TTC7A: variants seen among roughly 807,000 people sequenced by gnomAD.
TTC7A encodes the protein tetratricopeptide repeat protein 7A.
TTC7A carries 110 observed loss-of-function variants against 103.7 expected under a neutral mutation model. That is an observed-to-expected ratio of 1.06 (90% CI 0.91 to 1.24). The LOEUF is 1.24. TTC7A is among the 50% of genes most tolerant of loss of function. The pLI is 0.00. For missense variants in TTC7A, 1,340 were observed against 1,116.3 expected (o/e 1.20, Z -2.86); for synonymous variants, 521 against 467.9 (o/e 1.11, Z -1.47).
chr2:47,053,423 T>G (rs1683035454), intron 18 of TTC7A, among the ~76,000 whole-genome samples: 1 of 152,226 alleles, frequency 6.6e-6, no homozygotes, highest in African/African-American at 2.4e-5. Context: ...GAATGCAGCG[T>G]AACACAGTGA....
intron 8 of TTC7A, chr2:46,999,397 T>G (rs1676560683): frequency 9.0e-6 from 6 of 668,746 alleles, no homozygotes; most frequent in Non-Finnish European, 1.1e-5. Flanking sequence ...CATTCATCCA[T>G]CCAGCCACCT....
Position 46,941,731 on chromosome 2 carries a change from TA to T in TTC7A, c.184+8del. 1 of 1,549,240 alleles carries T rather than the reference TA, an allele frequency of 6.5e-7. No homozygotes were observed. The highest frequency in any genetic ancestry group is 1.4e-5 in the African/African-American group (1 of 73,100). On this transcript the variant is annotated splice_region_variant and intron_variant, in intron 1 of 19. Transcript: ENST00000319190. This position sits in a 1 kb window ranked among gnomAD's most constrained non-coding sequence, Gnocchi z 4.2. ...GTTCACCTTTCCGGACACCGGTGAG[TA>T]AGGGAAGAGGCTGGCTCGCCGGCAG...
chr2:47,055,903 G>A (rs1003725771), intron 18 of TTC7A, among the ~76,000 whole-genome samples: 1 of 151,878 alleles, frequency 6.6e-6, no homozygotes, highest in Non-Finnish European at 1.5e-5. Context: ...GCTCACCCTT[G>A]GTCCTACATG....
At chr2:46,995,739 A>G (rs909404965) in intron 8 of TTC7A, among the ~76,000 whole-genome samples, 2 of 152,212 alleles carry the variant, frequency 1.3e-5, no homozygotes, top group Non-Finnish European at 2.9e-5. Flanking sequence ...TATTCACGCA[A>G]CAGCTATTTA....
chr2:46,968,165 G>T (rs1274574750), intron 3 of TTC7A, among the ~76,000 whole-genome samples: 1 of 152,204 alleles, frequency 6.6e-6, no homozygotes, highest in Non-Finnish European at 1.5e-5. Context: ...CTGGTGTTGG[G>T]CCTGAGGCTG....
At chr2:46,984,008 C>G (rs1464287181) in intron 5 of TTC7A, among the ~76,000 whole-genome samples, 2 of 152,206 alleles carry the variant, frequency 1.3e-5, no homozygotes, top group African/African-American at 2.4e-5. Context: ...TAGGATAATG[C>G]ATGCCACTTA....
chr2:47,011,003 A>G (rs1164090777), intron 10 of TTC7A, among the ~76,000 whole-genome samples: 4 of 152,118 alleles, frequency 2.6e-5, no homozygotes, highest in African/African-American at 9.7e-5. Flanking sequence ...CCCAGCCCTC[A>G]TTTAGAGAGC....
chr2:47,059,883 GC>G (rs1226855881), intron 18 of TTC7A, among the ~76,000 whole-genome samples: 4 of 152,152 alleles, frequency 2.6e-5, no homozygotes, highest in Non-Finnish European at 5.9e-5. Context: ...TGTGCAAGGT[GC>G]GGTGGCTCAT....
At chr2:47,042,329 C>A (rs1253835003) in intron 15 of TTC7A, among the ~76,000 whole-genome samples, 2 of 151,994 alleles carry the variant, frequency 1.3e-5, no homozygotes, top group Non-Finnish European at 2.9e-5. Flanking sequence ...TAGTGAGACC[C>A]CGTCTAACAA....
chr2:46,942,862 TGG>T (rs1670561750), intron 1 of TTC7A, among the ~76,000 whole-genome samples: 1 of 152,144 alleles, frequency 6.6e-6, no homozygotes, highest in Non-Finnish European at 1.5e-5. Context: ...CAATTGTTTG[TGG>T]GGTTTTTTTG....
chr2:47,063,309 T>C (rs1683936969), intron 19 of TTC7A, among the ~76,000 whole-genome samples: 1 of 152,244 alleles, frequency 6.6e-6, no homozygotes, highest in Non-Finnish European at 1.5e-5. Flanking sequence ...AGTGTAAATA[T>C]GTGCAGTGCA....
At chr2:47,065,220 G>C (rs1684087828) in intron 19 of TTC7A, among the ~76,000 whole-genome samples, 1 of 152,228 alleles carries the variant, frequency 6.6e-6, no homozygotes, top group Admixed American at 6.5e-5. Flanking sequence ...CTGGGAGGCG[G>C]AGCTTGCAAT....
intron 11 of TTC7A, among the ~76,000 whole-genome samples, chr2:47,017,830 T>G (rs1413996291): frequency 1.3e-5 from 2 of 152,172 alleles, no homozygotes; most frequent in Non-Finnish European, 2.9e-5. Context: ...CATGTAGCTA[T>G]GAGGAACCAG....
At chr2:47,069,932 A>G (rs1684522038) in intron 19 of TTC7A, among the ~76,000 whole-genome samples, 1 of 150,174 alleles carries the variant, frequency 6.7e-6, no homozygotes, top group South Asian at 2.1e-4. Flanking sequence ...ACAGAATCCC[A>G]GGAATGTGCC....
In TTC7A at chr2:46,941,614, C is replaced by T. The variant is rs910842442; in HGVS notation, c.73C>T (p.His25Tyr). 2.6e-6 allele frequency: 4 copies of T among 1,556,348 alleles called. No individual in the cohort carries two copies. Among genetic ancestry groups the T allele is most frequent in the Admixed American group, 1.9e-5 (1 of 51,832 alleles). The change falls in exon 1 of 20, where the codon CAC becomes TAC. Residue 25 changes from histidine (H) to tyrosine (Y), a missense_variant. Coordinates refer to ENST00000319190, the MANE Select transcript of TTC7A (RefSeq NM_020458.4). This position sits in a 1 kb window ranked among gnomAD's most constrained non-coding sequence, Gnocchi z 4.2. ...SELERCRAEG[H>Y]WDRMPELVRQ... ...GCTGGAGCGCTGCCGCGCCGAGGGCCACTGGGACCGCATGCCGGAGCTGGT... is the reference window on the plus strand; with the variant it reads ...GCTGGAGCGCTGCCGCGCCGAGGGCTACTGGGACCGCATGCCGGAGCTGGT...
intron 19 of TTC7A, among the ~76,000 whole-genome samples, chr2:47,066,683 T>A (rs1363692167): frequency 6.6e-6 from 1 of 152,218 alleles, no homozygotes. Context: ...TGTGTTGCTG[T>A]AACAGAATAT....
chr2:46,999,927 A>G, intron 8 of TTC7A: 1 of 984,454 alleles, frequency 1.0e-6, no homozygotes, highest in Non-Finnish European at 1.2e-6. Context: ...CTGCAGATTA[A>G]CAGACTTTGT....
chr2:47,056,989 G>T (rs1333829213), intron 18 of TTC7A, among the ~76,000 whole-genome samples: 1 of 152,218 alleles, frequency 6.6e-6, no homozygotes, highest in Admixed American at 6.5e-5. Flanking sequence ...CTGGCCAGGG[G>T]ATGCTGGGAT....
At chr2:46,937,863 ATTAG>A (rs1670059288), upstream of TTC7A, among the ~76,000 whole-genome samples, 1 of 152,310 alleles carries the variant, frequency 6.6e-6, no homozygotes, top group African/African-American at 2.4e-5. This position sits in a 1 kb window ranked among gnomAD's most constrained non-coding sequence, Gnocchi z 4.0. Flanking sequence ...ATGTGCTGTA[ATTAG>A]TTCTTTGTCA....
Sources: gnomAD v4.1 joint callset for allele counts (sites outside exome capture counted in the v4.1 genomes callset) on GRCh38, gnomAD v4.1.1 for gene constraint, Gnocchi (gnomAD v3.1) non-coding constraint, MANE v1.5 for transcripts, NCBI Gene and HGNC (gene_info 2026-07-23, HGNC 2026-07-21) for gene names.